THOC1: variants seen among roughly 807,000 people sequenced by gnomAD.
THOC1 encodes THO complex 1.
THOC1 carries 29 observed loss-of-function variants against 97.3 expected under a neutral mutation model. The ratio of observed to expected loss-of-function variants is 0.30; its 90% CI spans 0.22 to 0.41. The LOEUF (loss-of-function observed/expected upper bound fraction) is 0.41. THOC1 is among the 10% of genes least tolerant of loss of function. The probability of loss-of-function intolerance (pLI) is 1.00; values close to 1 mark genes in which losing one functional copy is unlikely to be tolerated. For synonymous variants in THOC1, 255 were observed against 257.0 expected (o/e 0.99, Z 0.07); for missense variants, 529 against 761.9 (o/e 0.69, Z 3.60).
At chr18:252,437 T>TAAGA in intron 9 of THOC1, 102 bp downstream of exon 9, 1 of 883,202 alleles carries the variant, frequency 1.1e-6, no homozygotes, top group Non-Finnish European at 1.8e-6. Context: ...AAATTTCTTA[T>TAAGA]AATTTCTTTC....
intron 10 of THOC1, among the ~76,000 whole-genome samples, chr18:247,020 A>T (rs1912118295): frequency 1.3e-5 from 2 of 152,108 alleles, no homozygotes; most frequent in Admixed American, 6.5e-5. Flanking sequence ...TTTACCAGTG[A>T]AATTGTTTAA....
At chr18:215,372 C>T (rs1385772754) in intron 20 of THOC1, 57 bp downstream of exon 20, 4 of 1,360,884 alleles carry the variant, frequency 2.9e-6, no homozygotes, top group Non-Finnish European at 4.2e-6. Flanking sequence ...TACCTATCAA[C>T]AAAGAACCCC....
In THOC1 at chr18:265,548, T is replaced by C. The variant is rs1250957295; in HGVS notation, c.55-18A>G. 1 of 1,536,714 alleles carries C rather than the reference T, an allele frequency of 6.5e-7. No individual in the cohort carries two copies. Among genetic ancestry groups the C allele is most frequent in the Middle Eastern group, 2.0e-4 (1 of 4,974 alleles). ...GTAGACTTCTAAAAAAAAATTAAAA[T>C]GGCAAATAATTGTAAAGATTTTGCT... On this transcript the variant is annotated intron_variant, in intron 1 of 20. Coordinates refer to ENST00000261600, the MANE Select transcript of THOC1 (RefSeq NM_005131.3).
intron 11 of THOC1, among the ~76,000 whole-genome samples, chr18:238,928 C>A (rs1350996455): frequency 1.3e-5 from 2 of 152,002 alleles, no homozygotes; most frequent in African/African-American, 4.8e-5. Flanking sequence ...TTGATTAAAC[C>A]ACAAGGTAGA....
At chr18:232,294 C>T (rs1044368238) in intron 11 of THOC1, among the ~76,000 whole-genome samples, 4 of 152,028 alleles carry the variant, frequency 2.6e-5, no homozygotes, top group Non-Finnish European at 5.9e-5. Flanking sequence ...ATGGGGGTAT[C>T]ACTTTGTTGC....
intron 7 of THOC1, among the ~76,000 whole-genome samples, chr18:257,498 T>C (rs751692161): frequency 5.9e-5 from 9 of 152,130 alleles, no homozygotes; most frequent in African/African-American, 2.2e-4. Flanking sequence ...GTAAAATATA[T>C]ACTGACAGAT....
chr18:260,108 TAAA>T, intron 5 of THOC1, 75 bp downstream of exon 5: 1 of 867,082 alleles, frequency 1.2e-6, no homozygotes, highest in Non-Finnish European at 1.6e-6. Flanking sequence ...CAAATAAATT[TAAA>T]AAAAAAAATC....
intron 11 of THOC1, chr18:245,221 A>G (rs1912049508): frequency 6.6e-6 from 1 of 152,190 alleles, no homozygotes; most frequent in African/African-American, 2.4e-5. Flanking sequence ...TCTTAGCATT[A>G]GATTTATGGA....
At chr18:229,370 A>G (rs1033043391) in intron 11 of THOC1, among the ~76,000 whole-genome samples, 2 of 152,204 alleles carry the variant, frequency 1.3e-5, no homozygotes, top group Non-Finnish European at 2.9e-5. Context: ...TGACCGCCTC[A>G]TCCACTAATC....
At chr18:261,969 C>T (rs969521354) in intron 4 of THOC1, among the ~76,000 whole-genome samples, 1 of 152,212 alleles carries the variant, frequency 6.6e-6, no homozygotes, top group Non-Finnish European at 1.5e-5. Context: ...ACCAATCTCT[C>T]TCCTTACCCT....
intron 12 of THOC1, chr18:226,537 C>A: frequency 3.1e-6 from 1 of 319,748 alleles, no homozygotes; most frequent in Non-Finnish European, 5.8e-6. Context: ...AATTTTGGAG[C>A]AGAGACCTCC....
At chr18:215,276 T>C (rs1420190083) in intron 20 of THOC1, among the ~76,000 whole-genome samples, 153 bp downstream of exon 20, 3 of 152,246 alleles carry the variant, frequency 2.0e-5, no homozygotes, top group Non-Finnish European at 4.4e-5. Flanking sequence ...AAAGTTATTA[T>C]TAAGCAATGT....
At chr18:233,826 G>A (rs1037201374) in intron 11 of THOC1, among the ~76,000 whole-genome samples, 12 of 152,060 alleles carry the variant, frequency 7.9e-5, no homozygotes, top group African/African-American at 2.9e-4. Context: ...CTTTTCCATA[G>A]AAATAGTAAG....
At chr18:240,253 C>G (rs1911851923) in intron 11 of THOC1, among the ~76,000 whole-genome samples, 1 of 152,190 alleles carries the variant, frequency 6.6e-6, no homozygotes, top group Non-Finnish European at 1.5e-5. Context: ...TCAGAGCCTA[C>G]TTTGGCAGTA....
intron 3 of THOC1, 66 bp from the exon 4 acceptor site, chr18:264,158 A>G (rs769960680): frequency 8.9e-5 from 91 of 1,024,062 alleles, no homozygotes; most frequent in Non-Finnish European, 1.1e-4. Flanking sequence ...ATTAACAGTA[A>G]AAACATGTAC....
rs374873925 is a variant in THOC1 at position 224,713 on chromosome 18, A to G, written c.1208+211T>C. Among the ~76,000 whole-genome samples, 10 of 152,368 alleles carry G rather than the reference A, an allele frequency of 6.6e-5. No individual in the cohort carries two copies. The East Asian group carries it at 9.6e-4, about 15-fold the overall frequency. On this transcript the variant is annotated intron_variant, in intron 15 of 20. Coordinates refer to ENST00000261600, the MANE Select transcript of THOC1 (RefSeq NM_005131.3). ...TTCTCAATAATAAGATGTTTGTTCC[A>G]GGAATTTAATGACAAGAAATTTATG...
chr18:265,549 G>A lies in THOC1; in HGVS notation c.55-19C>T. The A allele has an allele frequency of 1.3e-6, 2 of 1,533,654 alleles. No homozygotes were observed. The highest frequency in any genetic ancestry group is 1.2e-5 in the South Asian group (1 of 80,728). ...TAGACTTCTAAAAAAAAATTAAAAT[G>A]GCAAATAATTGTAAAGATTTTGCTT... On this transcript the variant is annotated intron_variant, in intron 1 of 20. Transcript: ENST00000261600.
chr18:236,782 T>G (rs1911716449), intron 11 of THOC1, among the ~76,000 whole-genome samples: 1 of 152,188 alleles, frequency 6.6e-6, no homozygotes, highest in Non-Finnish European at 1.5e-5. Context: ...AATGTGATTT[T>G]ATGTTTTGCT....
In THOC1 at chr18:260,463, T is replaced by C. The variant is rs1177789971; in HGVS notation, c.257-159A>G. On this transcript the variant is annotated intron_variant, in intron 4 of 20. Transcript: ENST00000261600. ...TGGAAGCAACCTAAAAGTCCCCAAA[T>C]AGGACATACTTAAGTAATTTTTGAT... 5 of 471,532 alleles carry C rather than the reference T, an allele frequency of 1.1e-5. No homozygotes were observed. The South Asian group carries it at 1.9e-4, about 18-fold the overall frequency. The allele number at this position is 471,532 out of a possible 1,614,324, so 29.2% of individuals were successfully genotyped here.
Sources: allele counts gnomAD v4.1 joint callset (sites outside exome capture counted in the v4.1 genomes callset), GRCh38; gene constraint gnomAD v4.1.1; transcripts MANE v1.5; gene names NCBI Gene and HGNC (gene_info 2026-07-23, HGNC 2026-07-21).